The following CUX1 variants were observed in gnomAD, a reference collection of about 807,000 sequenced individuals.
The protein encoded by CUX1 is protein CASP.
Under a neutral mutation model 158.8 loss-of-function variants are expected in CUX1, and 31 were observed. The ratio of observed to expected loss-of-function variants is 0.20; its 90% CI spans 0.15 to 0.26. CUX1 has a LOEUF of 0.26. CUX1 is among the 10% of genes least tolerant of loss of function. The pLI, the probability that CUX1 is intolerant of heterozygous loss-of-function variation, is 1.00. For synonymous variants in CUX1, 879 were observed against 862.1 expected (o/e 1.02, Z -0.34); for missense variants, 1,589 against 2,014.6 (o/e 0.79, Z 4.04).
chr7:102,176,685 C>T (rs1476872375), intron 10 of CUX1, among the ~76,000 whole-genome samples: 1 of 151,828 alleles, frequency 6.6e-6, no homozygotes, highest in Middle Eastern at 3.4e-3. Context: ...AATCCTCCCG[C>T]CCCAGCCTCC....
At chr7:101,818,408 CTT>C (rs1158708207) in intron 1 of CUX1, among the ~76,000 whole-genome samples, 1 of 152,128 alleles carries the variant, frequency 6.6e-6, no homozygotes, top group Non-Finnish European at 1.5e-5. Context: ...AATGAAGTGT[CTT>C]TTTTAAAGCA....
chr7:102,228,071 C>T (rs1421032743), intron 21 of CUX1, among the ~76,000 whole-genome samples: 1 of 151,636 alleles, frequency 6.6e-6, no homozygotes, highest in African/African-American at 2.4e-5. Flanking sequence ...GTGCCCCAGC[C>T]TCCTGAGTAG....
chr7:101,818,121 T>G (rs1792083452), intron 1 of CUX1, among the ~76,000 whole-genome samples: 1 of 152,220 alleles, frequency 6.6e-6, no homozygotes, highest in Non-Finnish European at 1.5e-5. Context: ...AAATATGTAT[T>G]TCCGATAAGA....
At chr7:101,897,089 C>G (rs542535973) in intron 1 of CUX1, among the ~76,000 whole-genome samples, 1 of 152,338 alleles carries the variant, frequency 6.6e-6, no homozygotes, top group South Asian at 2.1e-4. Flanking sequence ...TTAGGCCTTC[C>G]TCTGAATTTA....
chr7:102,241,200 C>A (rs1800168747), intron 23 of CUX1, among the ~76,000 whole-genome samples: 1 of 152,130 alleles, frequency 6.6e-6, no homozygotes, highest in South Asian at 2.1e-4. Flanking sequence ...CTTGGTAGAA[C>A]AAAGTGCACT....
chr7:101,978,900 C>T (rs530765274), intron 2 of CUX1, among the ~76,000 whole-genome samples: 16 of 152,218 alleles, frequency 1.1e-4, no homozygotes, highest in Non-Finnish European at 2.2e-4. Flanking sequence ...CACTTCACGG[C>T]GTACGTCCAG....
chr7:102,197,334 C>A (rs557438496), intron 15 of CUX1, 29 bp downstream of exon 15: 1 of 1,598,154 alleles, frequency 6.3e-7, no homozygotes, highest in Admixed American at 1.7e-5. Flanking sequence ...GTGGCGCCAG[C>A]GTGCGAGCCC....
intron 3 of CUX1, among the ~76,000 whole-genome samples, chr7:102,028,944 T>C (rs938107416): frequency 2.6e-5 from 4 of 151,834 alleles, no homozygotes; most frequent in African/African-American, 9.7e-5. Context: ...AAACGAGACA[T>C]TTCCAAAGCC....
chr7:102,012,311 C>G (rs1585269940), intron 2 of CUX1, among the ~76,000 whole-genome samples: 1 of 152,034 alleles, frequency 6.6e-6, no homozygotes. Context: ...TCTCAGCCTC[C>G]CAAGTAGCTG....
chr7:102,218,549 A>G (rs1421476342), intron 20 of CUX1, among the ~76,000 whole-genome samples: 1 of 151,636 alleles, frequency 6.6e-6, no homozygotes, highest in Non-Finnish European at 1.5e-5. Context: ...ATTAGCTGGA[A>G]TGGTGGTATG....
chr7:101,954,097 G>T (rs116999573), intron 2 of CUX1, among the ~76,000 whole-genome samples: 2 of 152,232 alleles, frequency 1.3e-5, no homozygotes, highest in East Asian at 3.9e-4. Context: ...AGGCTGAGAC[G>T]GGAGGATCAC....
intron 2 of CUX1, among the ~76,000 whole-genome samples, chr7:101,931,738 A>G (rs565077872): frequency 1.2e-4 from 18 of 152,082 alleles, no homozygotes; most frequent in African/African-American, 4.3e-4. Flanking sequence ...TGATTTTTGT[A>G]TTTGTTGTAG....
rs189006149 is a variant in CUX1 at position 102,116,933 on chromosome 7, C to T, written c.674+1660C>T. Among the ~76,000 whole-genome samples the T allele has an allele frequency of 2.6e-5, 4 of 152,300 alleles. No individual in the cohort carries two copies. In the East Asian group the frequency reaches 5.8e-4, roughly 22 times the overall value. On this transcript the variant is annotated intron_variant, in intron 8 of 23. Transcript: ENST00000292535. Reference sequence around the variant, plus strand: ...ATTCAACAGACATTCACAGAGGCTTCCTCTGTGCCTCGCCCTGTGCAAATT... The same window carrying T: ...ATTCAACAGACATTCACAGAGGCTTTCTCTGTGCCTCGCCCTGTGCAAATT...
exon 22 of CUX1, chr7:102,282,722 A>G: frequency 6.2e-7 from 1 of 1,613,468 alleles, no homozygotes; most frequent in South Asian, 1.1e-5. Flanking sequence ...GTGCTCTACA[A>G]GCTGGCATGG....
At chr7:102,042,610 C>G (rs1390330457) in intron 3 of CUX1, among the ~76,000 whole-genome samples, 1 of 152,114 alleles carries the variant, frequency 6.6e-6, no homozygotes, top group African/African-American at 2.4e-5. Flanking sequence ...TTTGCTGTTC[C>G]CTACCTATAA....
intron 1 of CUX1, among the ~76,000 whole-genome samples, chr7:101,860,811 T>C (rs1007841784): frequency 7.1e-6 from 1 of 141,080 alleles, no homozygotes; most frequent in Non-Finnish European, 1.5e-5. Flanking sequence ...TCTTCTCTCT[T>C]TCCTTTTTTT....
At chr7:102,268,410 T>A (rs1790963417) in intron 14 of CUX1, among the ~76,000 whole-genome samples, 1 of 152,012 alleles carries the variant, frequency 6.6e-6, no homozygotes, top group Non-Finnish European at 1.5e-5. Context: ...ACCCTCCATA[T>A]TCATTGACCC....
At chr7:102,113,144 A>G (rs1428175586) in intron 7 of CUX1, among the ~76,000 whole-genome samples, 1 of 152,252 alleles carries the variant, frequency 6.6e-6, no homozygotes, top group Non-Finnish European at 1.5e-5. Context: ...AACTACACAT[A>G]TGAAAAAATG....
rs564213078 is a variant in CUX1 at position 102,207,985 on chromosome 7, C to T, written c.3130+2815C>T. On this transcript the variant is annotated intron_variant, in intron 20 of 23. Coordinates refer to ENST00000292535, the MANE Select transcript of CUX1 (RefSeq NM_181552.4). ...GACAGATCACCTGAACTTAGGAGTTCGAGACCAGCCTGGGCAACATGGTGA... is the reference window on the plus strand; with the variant it reads ...GACAGATCACCTGAACTTAGGAGTTTGAGACCAGCCTGGGCAACATGGTGA... 3.3e-5 allele frequency among the ~76,000 whole-genome samples: 5 copies of T among 151,968 alleles called. No individual in the cohort carries two copies. In the East Asian group the frequency reaches 5.8e-4, roughly 18 times the overall value.
Sources: gnomAD v4.1 joint callset for allele counts (sites outside exome capture counted in the v4.1 genomes callset) on GRCh38, gnomAD v4.1.1 for gene constraint, MANE v1.5 for transcripts, NCBI Gene and HGNC (gene_info 2026-07-23, HGNC 2026-07-21) for gene names.